Variants in ATRX observed in about 807,000 individuals in gnomAD.
The protein encoded by ATRX is chromatin remodeler ATRX.
In ATRX, 12 loss-of-function variants were observed where a neutral mutation model predicts 172.6. That is an observed-to-expected ratio of 0.07 (90% CI 0.04 to 0.11). The LOEUF is 0.11. Among genes scored for constraint, ATRX ranks in the 10% least tolerant of loss-of-function variants. The pLI is 1.00. For synonymous variants in ATRX, 674 were observed against 594.7 expected (o/e 1.13, Z -1.94); for missense variants, 1,368 against 1,767.4 (o/e 0.77, Z 4.05).
Position 77,683,218 on chromosome X carries a change from C to T in ATRX, c.2038G>A (p.Glu680Lys), listed in dbSNP as rs2148608482. Residue 680 changes from glutamate to lysine, a missense_variant, in exon 9 of 35, where the codon GAA becomes AAA. This residue lies in a region of ATRX where 843 missense variants were observed against 643.1 expected (regional missense o/e 1.31). Transcript: ENST00000373344. ...TTCTCCTTAACTGTTTCATTACATT[C>T]TTCATCTGAATTAGATGTTACAGGG... ...TNPVTSNSDE[E>K]CNETVKEKQK... The T allele has an allele frequency of 8.3e-7, 1 of 1,211,047 alleles. No homozygotes were observed.
chrX:77,625,755 T>C (rs1182499185), intron 19 of ATRX, among the ~76,000 whole-genome samples: 2 of 109,872 alleles, frequency 1.8e-5, no homozygotes, highest in African/African-American at 6.6e-5. Context: ...TTGGTGTGAA[T>C]GCAGCAATCA....
chrX:77,771,672 A>C (rs1035911367), intron 1 of ATRX, among the ~76,000 whole-genome samples: 2 of 111,038 alleles, frequency 1.8e-5, no homozygotes, highest in East Asian at 5.6e-4. Flanking sequence ...CTCTTGGTTT[A>C]TATCTCTGTA....
chrX:77,509,802 C>T (rs1557035577), intron 34 of ATRX, among the ~76,000 whole-genome samples: 1 of 108,939 alleles, frequency 9.2e-6, no homozygotes, highest in Non-Finnish European at 1.9e-5. Flanking sequence ...CAAGCTTTGC[C>T]ACTGTGGACT....
chrX:77,555,332 T>C (rs1183104877), intron 30 of ATRX, among the ~76,000 whole-genome samples: 1 of 111,621 alleles, frequency 9.0e-6, no homozygotes, highest in Non-Finnish European at 1.9e-5. Context: ...GAAATACCAT[T>C]TGACTCAGCA....
chrX:77,767,105 A>C (rs2075987276), intron 1 of ATRX, among the ~76,000 whole-genome samples: 1 of 112,042 alleles, frequency 8.9e-6, no homozygotes, highest in African/African-American at 3.2e-5. Flanking sequence ...CTGCAATCGC[A>C]GGCACTCGGC....
intron 1 of ATRX, among the ~76,000 whole-genome samples, chrX:77,747,930 T>C (rs782577305): frequency 8.9e-6 from 1 of 111,958 alleles, no homozygotes; most frequent in Non-Finnish European, 1.9e-5. Flanking sequence ...CAAATATATA[T>C]TATTATGCAA....
intron 1 of ATRX, among the ~76,000 whole-genome samples, chrX:77,756,512 C>T (rs1008278735): frequency 1.8e-5 from 2 of 110,689 alleles, no homozygotes; most frequent in African/African-American, 6.6e-5. Flanking sequence ...TCCGGGTCTG[C>T]GGACTGCAAA....
chrX:77,667,934 GT>G (rs1207250255), intron 10 of ATRX, among the ~76,000 whole-genome samples: 7 of 111,211 alleles, frequency 6.3e-5, no homozygotes, highest in African/African-American at 9.8e-5. Context: ...CTGGCTAAAG[GT>G]TTTATTTTTG....
intron 10 of ATRX, 185 bp downstream of exon 10, chrX:77,676,041 A>T: frequency 2.6e-6 from 1 of 378,368 alleles, no homozygotes; most frequent in East Asian, 4.7e-5. Context: ...ACTTTCTCTT[A>T]AGGTTTCTGA....
At chrX:77,514,940 T>C (rs1463612392) in intron 34 of ATRX, among the ~76,000 whole-genome samples, 2 of 111,876 alleles carry the variant, frequency 1.8e-5, no homozygotes, top group African/African-American at 6.5e-5. Flanking sequence ...CATTAAAAAG[T>C]GGGCAAAGGA....
At chrX:77,557,414 C>T (rs2052245569) in intron 30 of ATRX, 37 bp downstream of exon 30, 4 of 1,175,981 alleles carry the variant, frequency 3.4e-6, no homozygotes, top group Middle Eastern at 5.2e-4. Flanking sequence ...CCTTAGTCCA[C>T]GTTGGTTTGT....
At chrX:77,741,063 C>CAT (rs1408724310) in intron 1 of ATRX, among the ~76,000 whole-genome samples, 1 of 109,385 alleles carries the variant, frequency 9.1e-6, no homozygotes, top group Non-Finnish European at 1.9e-5. Flanking sequence ...CACACACACA[C>CAT]AAAGTCACAT....
intron 12 of ATRX, among the ~76,000 whole-genome samples, chrX:77,658,750 C>T (rs2069692767): frequency 9.0e-6 from 1 of 111,265 alleles, no homozygotes; most frequent in Non-Finnish European, 1.9e-5. Context: ...CCCACAGGTG[C>T]AGTTTGTAAA....
intron 34 of ATRX, among the ~76,000 whole-genome samples, chrX:77,514,136 T>C (rs782415185): frequency 5.4e-5 from 6 of 112,149 alleles, no homozygotes; most frequent in Non-Finnish European, 1.1e-4. Context: ...AAACATTCCA[T>C]GCTCATGGAT....
Position 77,620,387 on chromosome X carries a change from T to A in ATRX, c.5272+8A>T, listed in dbSNP as rs2148268776. ...TATTCTACTGCATAATCAGAGATAT[T>A]AACTCACACTCAATTAGGTTATTTT... is the stretch of plus-strand genomic sequence containing the variant. On this transcript the variant is annotated splice_region_variant and intron_variant, in intron 20 of 34. Coordinates refer to ENST00000373344, the MANE Select transcript of ATRX (RefSeq NM_000489.6). 8.3e-7 allele frequency: 1 copy of A among 1,205,876 alleles called. No individual in the cohort carries two copies. The highest frequency in any genetic ancestry group is 1.1e-6 in the Non-Finnish European group (1 of 890,720).
In ATRX at chrX:77,696,627, G is replaced by A. The variant is rs782431661; in HGVS notation, c.320C>T (p.Ala107Val). 5.8e-6 allele frequency: 7 copies of A among 1,198,205 alleles called. No individual in the cohort carries two copies. The African/African-American group carries it at 7.0e-5, about 12-fold the overall frequency. The change falls in exon 5 of 35, where the codon GCG (alanine) becomes GTG (valine). Residue 107 changes from alanine (A) to valine (V), a missense_variant. Ala to Val is a moderately conservative substitution (Grantham distance 64). Coordinates refer to ENST00000373344, the MANE Select transcript of ATRX (RefSeq NM_000489.6). ...PLDDETVNED[A>V]SNENSENDIT... The stretch of plus-strand genomic sequence containing the variant: ...ATCATTTTCTGAATTTTCATTAGAC[G>A]CATCTTCATTTACAGTTTCATCATC...
intron 10 of ATRX, among the ~76,000 whole-genome samples, chrX:77,669,183 G>A (rs1557128017): frequency 1.8e-5 from 2 of 111,872 alleles, no homozygotes; most frequent in Admixed American, 9.5e-5. Context: ...CTAACTAGTG[G>A]CAAAGTCAGG....
At chrX:77,658,166 G>A (rs1247176819) in intron 12 of ATRX, among the ~76,000 whole-genome samples, 2 of 111,264 alleles carry the variant, frequency 1.8e-5, no homozygotes, top group Non-Finnish European at 3.8e-5. Flanking sequence ...AGCCATGATC[G>A]CACCACTGTA....
At position 77,683,769 on chromosome X, in the gene ATRX, G is replaced by A. The variant is rs782044908; in HGVS notation, c.1487C>T (p.Ser496Phe). ...ATATTGAGGTTCTTCTTTTCTATCA[G>A]ATTTCTTATGTTCACCACCGGTACT... ...NKSTGGEHKK[S>F]DRKEEPQYEP... Residue 496 changes from serine to phenylalanine, a missense_variant, in exon 9 of 35, where the codon TCT becomes TTT. Physicochemically the swap from Ser to Phe is radical, Grantham distance 155. Transcript: ENST00000373344. The A allele has an allele frequency of 8.3e-7, 1 of 1,209,862 alleles. No homozygotes were observed. The highest frequency in any genetic ancestry group is 1.1e-6 in the Non-Finnish European group (1 of 894,034).
Sources: gnomAD v4.1 joint callset for allele counts (sites outside exome capture counted in the v4.1 genomes callset) on GRCh38, gnomAD v4.1.1 for gene constraint, gnomAD v4.1.1 regional missense constraint, MANE v1.5 for transcripts, NCBI Gene and HGNC (gene_info 2026-07-23, HGNC 2026-07-21) for gene names.